Variants in DSTYK observed in about 807,000 individuals in gnomAD.
DSTYK encodes the protein RIP-homologous kinase.
DSTYK carries 34 observed loss-of-function variants against 98.7 expected under a neutral mutation model. That is an observed-to-expected ratio of 0.34 (90% CI 0.26 to 0.46). DSTYK has a LOEUF of 0.46. Ranked by LOEUF, DSTYK falls within the 20% of genes least tolerant of loss-of-function variation. DSTYK has a pLI of 1.00. For synonymous variants in DSTYK, 462 were observed against 457.3 expected (o/e 1.01, Z -0.13); for missense variants, 962 against 1,181.7 (o/e 0.81, Z 2.73).
chr1:205,163,607 A>G (rs138004648), intron 4 of DSTYK, 116 bp downstream of exon 4: 2 of 878,570 alleles, frequency 2.3e-6, no homozygotes, highest in Non-Finnish European at 3.5e-6. Flanking sequence ...ATAAAATTCA[A>G]ACAAGATTCG....
chr1:205,181,679 TGTG>T (rs1658408273), intron 2 of DSTYK, among the ~76,000 whole-genome samples: 1 of 151,322 alleles, frequency 6.6e-6, no homozygotes, highest in Non-Finnish European at 1.5e-5. Flanking sequence ...TGTGTGTGTG[TGTG>T]TGTGTGTGTG....
rs530250602 is a variant in DSTYK, at chr1:205,143,254, C to T, written c.*4304G>A. ...CTCTGTCTCCTGGGTTCAAGCAATT[C>T]TCCTACCTCAGCCTCCTGAGTAGCT... On this transcript the variant is annotated 3_prime_UTR_variant, in exon 13 of 13. Transcript: ENST00000367162. 1.3e-5 allele frequency: 2 copies of T among 151,510 alleles called. No individual in the cohort carries two copies. The highest frequency in any genetic ancestry group is 4.2e-4 in the South Asian group (2 of 4,808). 9.4% of individuals were successfully genotyped at this position (151,510 alleles called of 1,614,324 possible).
At chr1:205,179,970 AG>A (rs1263603055) in intron 2 of DSTYK, among the ~76,000 whole-genome samples, 1 of 152,182 alleles carries the variant, frequency 6.6e-6, no homozygotes, top group Non-Finnish European at 1.5e-5. Flanking sequence ...GTAGAATCCT[AG>A]CAAAGGCAGA....
intron 1 of DSTYK, among the ~76,000 whole-genome samples, chr1:205,201,743 G>A (rs763923178): frequency 6.6e-6 from 1 of 152,064 alleles, no homozygotes; most frequent in African/African-American, 2.4e-5. Context: ...AGCAGGCTAA[G>A]ACAAACATAC....
intron 7 of DSTYK, 22 bp from the exon 8 acceptor site, chr1:205,160,292 A>G: frequency 6.2e-7 from 1 of 1,603,714 alleles, no homozygotes. Flanking sequence ...AGAGACAGAG[A>G]TAAGGCAGGA....
Position 205,171,687 on chromosome 1 carries a change from C to T in DSTYK, c.655-1855G>A, listed in dbSNP as rs543720315. On this transcript the variant is annotated intron_variant, in intron 2 of 12. Coordinates refer to ENST00000367162, the MANE Select transcript of DSTYK (RefSeq NM_015375.3). Reference sequence around the variant, plus strand: ...TGGCATTCCAGGTGTAAACGGTTAACTAGGGACTCACACATATTAATATAT... The same window carrying T: ...TGGCATTCCAGGTGTAAACGGTTAATTAGGGACTCACACATATTAATATAT... 1.6e-4 allele frequency among the ~76,000 whole-genome samples: 25 copies of T among 152,224 alleles called. 1 individual carries two copies. Among genetic ancestry groups the T allele is most frequent in the African/African-American group, 5.3e-4 (22 of 41,524 alleles).
At chr1:205,147,889 G>C (rs1657287941) in intron 12 of DSTYK, 144 bp from the exon 13 acceptor site, 3 of 785,226 alleles carry the variant, frequency 3.8e-6, no homozygotes, top group South Asian at 4.0e-5. Flanking sequence ...CAAACATCTA[G>C]GTTAGAACCT....
chr1:205,154,056 CGTGTGTGTGTGTGTGT>C (rs34909035), intron 10 of DSTYK, among the ~76,000 whole-genome samples: 6 of 143,456 alleles, frequency 4.2e-5, no homozygotes, highest in Admixed American at 6.9e-5. Flanking sequence ...AGTATGCACA[CGTGTGTGTGTGTGTGT>C]GTGTGTGTGT....
intron 2 of DSTYK, among the ~76,000 whole-genome samples, chr1:205,182,498 T>TAAAAAAAAAAAAA (rs386369411): frequency 1.3e-5 from 1 of 77,736 alleles, no homozygotes. Context: ...TTAAAAACGG[T>TAAAAAAAAAAAAA]AAAAAAAAAA....
At chr1:205,177,598 G>A (rs10900457) in intron 2 of DSTYK, among the ~76,000 whole-genome samples, 69,488 of 151,984 alleles carry the variant, frequency 0.46, 19,316 homozygotes, top group Non-Finnish European at 0.62. Flanking sequence ...TGGGTGTGGT[G>A]GCTCATGCCT....
chr1:205,151,690 TTTC>T (rs1238891335), intron 10 of DSTYK, among the ~76,000 whole-genome samples: 1,009 of 70,062 alleles, frequency 0.014, 8 homozygotes, highest in South Asian at 0.027. Flanking sequence ...GGTTATAGGC[TTTC>T]TTTTTTTTTT....
intron 1 of DSTYK, among the ~76,000 whole-genome samples, chr1:205,197,308 G>A (rs1658897098): frequency 6.6e-6 from 1 of 152,026 alleles, no homozygotes; most frequent in South Asian, 2.1e-4. Context: ...GTTTAGAGGA[G>A]ATGAGAAAAC....
At chr1:205,196,064 G>T (rs1246982834) in intron 1 of DSTYK, among the ~76,000 whole-genome samples, 1 of 152,264 alleles carries the variant, frequency 6.6e-6, no homozygotes, top group Admixed American at 6.5e-5. Context: ...TATGTCAAAA[G>T]GACACAGGAA....
intron 8 of DSTYK, 143 bp from the exon 9 acceptor site, chr1:205,159,822 G>T: frequency 9.5e-7 from 1 of 1,055,822 alleles, no homozygotes; most frequent in Non-Finnish European, 1.4e-6. Flanking sequence ...AGAGCCCTCA[G>T]TACAGACAGA....
At chr1:205,205,136 A>C (rs1002472651) in intron 1 of DSTYK, among the ~76,000 whole-genome samples, 3 of 152,144 alleles carry the variant, frequency 2.0e-5, no homozygotes, top group Non-Finnish European at 4.4e-5. Flanking sequence ...TAATAACCAA[A>C]ACTACAGCAC....
intron 1 of DSTYK, among the ~76,000 whole-genome samples, chr1:205,199,089 G>A (rs1295412553): frequency 6.6e-6 from 1 of 151,986 alleles, no homozygotes; most frequent in Non-Finnish European, 1.5e-5. Flanking sequence ...ATAATTATTT[G>A]GGACAATTCT....
intron 2 of DSTYK, among the ~76,000 whole-genome samples, chr1:205,180,269 C>T (rs969247684): frequency 1.3e-5 from 2 of 151,920 alleles, no homozygotes; most frequent in African/African-American, 4.8e-5. Context: ...CCCTTTCCCC[C>T]CAGCCCCCGA....
In DSTYK at chr1:205,169,049, T is replaced by C; in HGVS notation, c.1324+114A>G. 1 of 936,296 alleles carries C rather than the reference T, an allele frequency of 1.1e-6. No individual in the cohort carries two copies. The highest frequency in any genetic ancestry group is 1.6e-5 in the African/African-American group (1 of 60,618). 58.0% of individuals were successfully genotyped at this position (936,296 alleles called of 1,614,324 possible). ...CTCCTGCTGGTAACAGTGGGGTGGA[T>C]GAAGTTACCCTGAGATTCCTTTAAC... On this transcript the variant is annotated intron_variant, in intron 3 of 12. Coordinates refer to ENST00000367162, the MANE Select transcript of DSTYK (RefSeq NM_015375.3). This position sits in a 1 kb window ranked among gnomAD's most constrained non-coding sequence, Gnocchi z 4.0.
intron 2 of DSTYK, among the ~76,000 whole-genome samples, chr1:205,181,659 TG>T (rs1203645722): frequency 7.1e-5 from 5 of 70,578 alleles, no homozygotes; most frequent in African/African-American, 5.7e-4. Context: ...TTGGGGTTTG[TG>T]TGTGTGTGTG....
Sources: allele counts gnomAD v4.1 joint callset (sites outside exome capture counted in the v4.1 genomes callset), GRCh38; gene constraint gnomAD v4.1.1; non-coding constraint Gnocchi (gnomAD v3.1); transcripts MANE v1.5; gene names NCBI Gene and HGNC (gene_info 2026-07-23, HGNC 2026-07-21).